HDAC8: variants seen among roughly 807,000 people sequenced by gnomAD.
The protein encoded by HDAC8 is histone deacetylase 8.
In HDAC8, 1 loss-of-function variant was observed where a neutral mutation model predicts 32.2. The observed-to-expected ratio is 0.03, with a 90% CI of 0.01 to 0.15. HDAC8 has a LOEUF of 0.15. Ranked by LOEUF, HDAC8 falls within the 10% of genes least tolerant of loss-of-function variation. The pLI is 1.00. For synonymous variants in HDAC8, 108 were observed against 113.9 expected (o/e 0.95, Z 0.33); for missense variants, 117 against 300.0 (o/e 0.39, Z 4.51).
At chrX:72,552,709 G>A (rs888745913) in intron 4 of HDAC8, among the ~76,000 whole-genome samples, 11 of 109,259 alleles carry the variant, frequency 1.0e-4, no homozygotes, top group African/African-American at 3.3e-4. Context: ...CCAGAAGGCT[G>A]CGGCTGCAGT....
At chrX:72,429,768 G>C (rs2046759774) in intron 9 of HDAC8, among the ~76,000 whole-genome samples, 1 of 112,080 alleles carries the variant, frequency 8.9e-6, no homozygotes. Context: ...TGGAGCAAAA[G>C]AAGATTGGAG....
intron 9 of HDAC8, among the ~76,000 whole-genome samples, chrX:72,391,124 C>A (rs2147851664): frequency 8.9e-6 from 1 of 112,059 alleles, no homozygotes; most frequent in Admixed American, 9.5e-5. Flanking sequence ...GTTCCTTGGA[C>A]ATCAACTCCT....
Position 72,461,871 on chromosome X carries a change from A to G in HDAC8, c.1005+133T>C, listed in dbSNP as rs782388571. On this transcript the variant is annotated intron_variant, in intron 9 of 10. Transcript: ENST00000373573. The stretch of plus-strand genomic sequence containing the variant: ...TGGAACAAGAGTCCACTATTCTGCC[A>G]AGACAGTGTGTTATTGTTATTGAAG... 3.7e-5 allele frequency: 17 copies of G among 455,534 alleles called. No homozygotes were observed. The East Asian group carries it at 6.2e-4, about 17-fold the overall frequency. 37.5% of individuals were successfully genotyped at this position (455,534 alleles called of 1,213,427 possible).
At chrX:72,477,584 T>C (rs1449846943) in intron 7 of HDAC8, among the ~76,000 whole-genome samples, 2 of 112,183 alleles carry the variant, frequency 1.8e-5, no homozygotes, top group African/African-American at 6.5e-5. Context: ...TATAATATCC[T>C]TTCCCAGATG....
intron 9 of HDAC8, among the ~76,000 whole-genome samples, chrX:72,379,693 GGTTTCGCCA>G (rs1362980920): frequency 1.3e-4 from 14 of 109,431 alleles, no homozygotes; most frequent in African/African-American, 4.7e-4. Context: ...GTAGAGATGG[GGTTTCGCCA>G]CGTTGGCTAG....
chrX:72,429,040 T>C (rs1474108194), intron 9 of HDAC8, among the ~76,000 whole-genome samples: 2 of 107,836 alleles, frequency 1.9e-5, no homozygotes, highest in African/African-American at 6.8e-5. Context: ...TTTTTTTGCT[T>C]CTTTTCCATG....
At chrX:72,405,899 A>AT in intron 9 of HDAC8, among the ~76,000 whole-genome samples, 1 of 111,264 alleles carries the variant, frequency 9.0e-6, no homozygotes, top group South Asian at 3.8e-4. Context: ...CTGTTTAGTT[A>AT]TTTTTCAAAT....
chrX:72,364,961 A>C (rs2044657088), intron 9 of HDAC8, among the ~76,000 whole-genome samples: 1 of 112,167 alleles, frequency 8.9e-6, no homozygotes, highest in Non-Finnish European at 1.9e-5. Flanking sequence ...AGAAGATAGA[A>C]AGAGGCATAG....
chrX:72,553,189 C>T (rs892233903), intron 4 of HDAC8, among the ~76,000 whole-genome samples: 1 of 110,779 alleles, frequency 9.0e-6, no homozygotes. Flanking sequence ...GGATTACAGG[C>T]TCATGCCACC....
intron 9 of HDAC8, among the ~76,000 whole-genome samples, chrX:72,371,524 T>A (rs1461410287): frequency 9.0e-6 from 1 of 110,900 alleles, no homozygotes; most frequent in Non-Finnish European, 1.9e-5. Context: ...TGGAGAAATA[T>A]TTGTGAGGGA....
chrX:72,340,308 G>A (rs1011069769), intron 10 of HDAC8, among the ~76,000 whole-genome samples: 3 of 111,513 alleles, frequency 2.7e-5, no homozygotes, highest in Admixed American at 9.5e-5. Context: ...CCTCCCAGCC[G>A]TTTTGGAGAC....
chrX:72,539,261 C>T lies in HDAC8; in HGVS notation c.437+28628G>A, dbSNP rs2050624193. On this transcript the variant is annotated intron_variant, in intron 4 of 10. Transcript: ENST00000373573. ...TTATGTATTTATTTTGAGACGGAAT[C>T]TCACTCTGTCACCAGGCTGGAGTGC... Among the ~76,000 whole-genome samples the T allele has an allele frequency of 2.7e-5, 3 of 111,541 alleles. No homozygotes were observed. In the South Asian group the frequency reaches 1.1e-3, roughly 42 times the overall value.
chrX:72,449,807 T>G (rs2047525150), intron 9 of HDAC8, among the ~76,000 whole-genome samples: 1 of 111,534 alleles, frequency 9.0e-6, no homozygotes, highest in Admixed American at 9.5e-5. Context: ...AAAGATAAGG[T>G]ATGTAAACAG....
chrX:72,402,399 T>C (rs930323539), intron 9 of HDAC8, among the ~76,000 whole-genome samples: 3 of 103,888 alleles, frequency 2.9e-5, no homozygotes, highest in African/African-American at 1.1e-4. Context: ...GCTTTGGGTT[T>C]AGTGTGTTCT....
At chrX:72,435,312 C>T (rs1216466303) in intron 9 of HDAC8, among the ~76,000 whole-genome samples, 1 of 111,605 alleles carries the variant, frequency 9.0e-6, no homozygotes, top group Non-Finnish European at 1.9e-5. Context: ...CGTAAGAGCA[C>T]AGAGTTCAAG....
chrX:72,359,813 G>C (rs1555951894), intron 9 of HDAC8, among the ~76,000 whole-genome samples: 1 of 110,549 alleles, frequency 9.0e-6, no homozygotes, highest in Non-Finnish European at 1.9e-5. Context: ...CTAGCACTTT[G>C]GGAGGCTGAG....
intron 9 of HDAC8, among the ~76,000 whole-genome samples, chrX:72,363,332 G>A (rs2012385212): frequency 8.9e-6 from 1 of 111,910 alleles, no homozygotes; most frequent in South Asian, 3.7e-4. Flanking sequence ...GGTGGGGATG[G>A]AAGAAGGAAG....
At chrX:72,519,738 T>C (rs1168695122) in intron 4 of HDAC8, among the ~76,000 whole-genome samples, 2 of 111,056 alleles carry the variant, frequency 1.8e-5, no homozygotes, top group Non-Finnish European at 3.8e-5. Context: ...TACAGGAATG[T>C]GCCACCACAC....
chrX:72,432,238 T>A (rs1375585318), intron 9 of HDAC8, among the ~76,000 whole-genome samples: 1 of 110,984 alleles, frequency 9.0e-6, no homozygotes, highest in Non-Finnish European at 1.9e-5. Flanking sequence ...CCTCCCAAAG[T>A]GTTGGGATTA....
Sources: allele counts gnomAD v4.1 joint callset (sites outside exome capture counted in the v4.1 genomes callset), GRCh38; gene constraint gnomAD v4.1.1; transcripts MANE v1.5; gene names NCBI Gene and HGNC (gene_info 2026-07-23, HGNC 2026-07-21).